SFI1: variants seen among roughly 807,000 people sequenced by gnomAD.
SFI1 encodes SFI1 centrin binding protein.
Under a neutral mutation model 207.5 loss-of-function variants are expected in SFI1, and 195 were observed. The ratio of observed to expected loss-of-function variants is 0.94; its 90% CI spans 0.84 to 1.06. The LOEUF is 1.06. Among genes scored for constraint, SFI1 ranks in the 50% least tolerant of loss-of-function variants. SFI1 has a pLI of 0.00. For missense variants in SFI1, 1,634 were observed against 1,588.0 expected (o/e 1.03, Z -0.49); for synonymous variants, 630 against 598.9 (o/e 1.05, Z -0.76).
Position 31,517,222 on chromosome 22 carries a change from A to G in SFI1, c.92+8846A>G, listed in dbSNP as rs540757565. Among the ~76,000 whole-genome samples the G allele has an allele frequency of 4.7e-4, 72 of 152,114 alleles. No homozygotes were observed. In the South Asian group the frequency reaches 0.012, roughly 25 times the overall value. Reference sequence around the variant, plus strand: ...GTGTTCTCTCAGGTTTAAGGAATCTATTTCTTCCCTGATGTCATGAAGATA... The same window carrying G: ...GTGTTCTCTCAGGTTTAAGGAATCTGTTTCTTCCCTGATGTCATGAAGATA... On this transcript the variant is annotated intron_variant, in intron 2 of 32. Transcript: ENST00000400288.
chr22:31,554,645 C>T (rs1313402198), intron 6 of SFI1, among the ~76,000 whole-genome samples: 1 of 151,188 alleles, frequency 6.6e-6, no homozygotes, highest in Non-Finnish European at 1.5e-5. Flanking sequence ...CACTTTGTCA[C>T]CCAGGATGGA....
intron 20 of SFI1, chr22:31,605,273 C>T: frequency 5.1e-6 from 1 of 196,712 alleles, no homozygotes; most frequent in Non-Finnish European, 1.0e-5. Context: ...TCTTCCACTC[C>T]AGAGGCTTCA....
chr22:31,613,022 G>A, intron 24 of SFI1, 120 bp from the exon 25 acceptor site: 1 of 1,011,382 alleles, frequency 9.9e-7, no homozygotes, highest in African/African-American at 1.6e-5. Context: ...CTTCCTAGTG[G>A]AGGAAGTGGG....
chr22:31,568,009 T>C (rs1351359656), intron 8 of SFI1, among the ~76,000 whole-genome samples: 1 of 152,076 alleles, frequency 6.6e-6, no homozygotes, highest in Non-Finnish European at 1.5e-5. Context: ...TTGAAAGTAT[T>C]ATAGTTACAT....
intron 8 of SFI1, among the ~76,000 whole-genome samples, chr22:31,566,300 G>T (rs2062302296): frequency 1.3e-5 from 2 of 151,608 alleles, no homozygotes; most frequent in Non-Finnish European, 2.9e-5. Flanking sequence ...CACCATGTTG[G>T]CCAGGCTGTC....
At chr22:31,583,652 TC>T (rs771325617) in intron 12 of SFI1, among the ~76,000 whole-genome samples, 5 of 152,226 alleles carry the variant, frequency 3.3e-5, no homozygotes, top group Non-Finnish European at 5.9e-5. Flanking sequence ...AATAGCTTCT[TC>T]ATCTAATTTC....
intron 1 of SFI1, among the ~76,000 whole-genome samples, chr22:31,504,875 A>T (rs550073065): frequency 6.6e-6 from 1 of 152,222 alleles, no homozygotes; most frequent in South Asian, 2.1e-4. Flanking sequence ...ATCGTGTTGG[A>T]TTATGGGCCC....
chr22:31,501,256 C>T (rs1447239504), intron 1 of SFI1, among the ~76,000 whole-genome samples: 2 of 150,990 alleles, frequency 1.3e-5, no homozygotes, highest in South Asian at 2.1e-4. Flanking sequence ...ACTGCAAGTT[C>T]TGCCTCCTGG....
intron 4 of SFI1, among the ~76,000 whole-genome samples, chr22:31,532,236 T>C (rs1200870318): frequency 2.0e-5 from 3 of 152,028 alleles, no homozygotes; most frequent in Non-Finnish European, 2.9e-5. Flanking sequence ...GGGGAAAAAA[T>C]TGGCTTTGGC....
Position 31,612,246 on chromosome 22 carries a change from G to C in SFI1, c.2490+406G>C, listed in dbSNP as rs193173855. The C allele has an allele frequency of 4.1e-3, 850 of 209,830 alleles. 6 individuals carry two copies. The highest frequency in any genetic ancestry group is 0.018 in the African/African-American group (747 of 42,218). 13.0% of individuals were successfully genotyped at this position (209,830 alleles called of 1,614,324 possible). The stretch of plus-strand genomic sequence containing the variant: ...ACAAAAAAAATCAGCCAGGCGTGGT[G>C]GTGGGCGCCTGTAGTCCCAGCTACT... On this transcript the variant is annotated intron_variant, in intron 24 of 32. Coordinates refer to ENST00000400288, the MANE Select transcript of SFI1 (RefSeq NM_001007467.3).
intron 7 of SFI1, chr22:31,559,637 A>C: frequency 5.6e-6 from 4 of 717,250 alleles, no homozygotes; most frequent in South Asian, 5.4e-5. Context: ...CGTTGACCTC[A>C]CCAAGTGGGC....
rs3215615 is a variant in SFI1, at chr22:31,578,575, G to GA, written c.1155+125dup. ...TCAGCTATGGGTGAGTTTTGGTCATGAAGCCCTCCTTTCATTGTGGGTGTC... is the reference window on the plus strand; with the variant it reads ...TCAGCTATGGGTGAGTTTTGGTCATGAAAGCCCTCCTTTCATTGTGGGTGTC... On this transcript the variant is annotated intron_variant, in intron 11 of 32. Transcript: ENST00000400288. 2.5e-4 allele frequency: 190 copies of GA among 764,536 alleles called. 1 individual carries two copies. The East Asian group carries it at 5.3e-3, about 21-fold the overall frequency. 47.4% of individuals were successfully genotyped at this position (764,536 alleles called of 1,614,324 possible). A position where few individuals can be genotyped will look rare whatever the true frequency, so the allele number is the denominator to read the frequency against.
At chr22:31,589,629 C>CT (rs761495605) in intron 15 of SFI1, 52 bp downstream of exon 15, 39 of 1,566,902 alleles carry the variant, frequency 2.5e-5, no homozygotes, top group Non-Finnish European at 2.9e-5. Context: ...AAATCTAACT[C>CT]TGACAACCAC....
chr22:31,520,426 T>A (rs2147056970), intron 2 of SFI1, among the ~76,000 whole-genome samples: 1 of 152,298 alleles, frequency 6.6e-6, no homozygotes, highest in South Asian at 2.1e-4. Context: ...TTTTTCAGAT[T>A]TCCTAAAATG....
At chr22:31,513,944 G>A (rs2056060293) in intron 2 of SFI1, among the ~76,000 whole-genome samples, 1 of 151,666 alleles carries the variant, frequency 6.6e-6, no homozygotes, top group South Asian at 2.1e-4. Flanking sequence ...GACCAGCCTG[G>A]CTGACATGGC....
intron 6 of SFI1, among the ~76,000 whole-genome samples, chr22:31,550,890 A>G (rs2060562915): frequency 6.6e-6 from 1 of 152,112 alleles, no homozygotes; most frequent in African/African-American, 2.4e-5. Flanking sequence ...GAATGTCCTA[A>G]AGGTAGCTCA....
chr22:31,569,818 A>C (rs1004914699), intron 8 of SFI1, among the ~76,000 whole-genome samples: 3 of 151,880 alleles, frequency 2.0e-5, no homozygotes, highest in Non-Finnish European at 4.4e-5. Flanking sequence ...TTATGGTGGC[A>C]TGTGTCTGTA....
intron 15 of SFI1, among the ~76,000 whole-genome samples, chr22:31,597,155 T>G (rs891271453): frequency 6.6e-6 from 1 of 152,236 alleles, no homozygotes; most frequent in Non-Finnish European, 1.5e-5. Flanking sequence ...TATTCTTTTT[T>G]TGTATTTTGT....
Position 31,571,130 on chromosome 22 carries a change from A to G in SFI1, c.766-1928A>G, listed in dbSNP as rs534027215. On this transcript the variant is annotated intron_variant, in intron 8 of 32. Transcript: ENST00000400288. ...TTAGCTGGATGGCACAATGCGGTCTAGAGTCTAGAGAGGGGTGTTGCTTTG... is the reference window on the plus strand; with the variant it reads ...TTAGCTGGATGGCACAATGCGGTCTGGAGTCTAGAGAGGGGTGTTGCTTTG... Among the ~76,000 whole-genome samples the G allele has an allele frequency of 2.6e-3, 384 of 149,876 alleles. 1 individual carries two copies. The highest frequency in any genetic ancestry group is 4.4e-3 in the Non-Finnish European group (290 of 66,316).
Sources: allele counts gnomAD v4.1 joint callset (sites outside exome capture counted in the v4.1 genomes callset), GRCh38; gene constraint gnomAD v4.1.1; transcripts MANE v1.5; gene names NCBI Gene and HGNC (gene_info 2026-07-23, HGNC 2026-07-21).